UGT1A6: variants seen among roughly 807,000 people sequenced by gnomAD.
UGT1A6 encodes UDP-glucuronosyltransferase 1A6.
Under a neutral mutation model 44.4 loss-of-function variants are expected in UGT1A6, and 32 were observed. The ratio of observed to expected loss-of-function variants is 0.72; its 90% CI spans 0.54 to 0.97. UGT1A6 has a LOEUF of 0.97. Among genes scored for constraint, UGT1A6 ranks in the 50% least tolerant of loss-of-function variants. The pLI, the probability that UGT1A6 is intolerant of heterozygous loss-of-function variation, is 0.00. For synonymous variants in UGT1A6, 238 were observed against 248.5 expected, an observed-to-expected ratio of 0.96 and a Z score of 0.40; for missense variants, 685 against 661.9, an observed-to-expected ratio of 1.03 and a Z score of -0.38.
intron 1 of UGT1A6, among the ~76,000 whole-genome samples, chr2:233,736,536 T>C (rs1265861368): frequency 6.6e-6 from 1 of 152,240 alleles, no homozygotes; most frequent in African/African-American, 2.4e-5. Flanking sequence ...TCATTCTCTT[T>C]CCAGCTTTGC....
chr2:233,724,327 A>G (rs1359142433), intron 1 of UGT1A6, among the ~76,000 whole-genome samples: 358 of 72,230 alleles, frequency 5.0e-3, no homozygotes, highest in African/African-American at 8.2e-3. Flanking sequence ...GCGGCTGGCC[A>G]GGCGGGGGGC....
At position 233,693,859 on chromosome 2, in the gene UGT1A6, G is replaced by A; in HGVS notation, c.855G>A (p.Leu285=). The A allele has an allele frequency of 6.2e-7, 1 of 1,614,192 alleles. No individual in the cohort carries two copies. Among genetic ancestry groups the A allele is most frequent in the Non-Finnish European group, 8.5e-7 (1 of 1,180,034 alleles). The change falls in exon 1 of 5, where the codon TTG becomes TTA. Residue 285 remains leucine, a synonymous_variant. Coordinates refer to ENST00000305139, the MANE Select transcript of UGT1A6 (RefSeq NM_001072.4). ...GGINCKKRKD[L]SQEFEAYINA... ...TCAACTGTAAGAAGAGGAAAGACTT[G>A]TCTCAGGTTGGTGGGTTTATTTCTT...
Position 233,769,622 on chromosome 2 carries a change from G to A in UGT1A6, c.1301+1183G>A, listed in dbSNP as rs926017310. 24 of 1,612,268 alleles carry A rather than the reference G, an allele frequency of 1.5e-5. No homozygotes were observed. Among genetic ancestry groups the A allele is most frequent in the Non-Finnish European group, 1.8e-5 (21 of 1,179,686 alleles). ...CACGGGGACACACCAGCTTGAGCAAGGGACAACAGGGGAGGACTGATGACT... is the reference window on the plus strand; with the variant it reads ...CACGGGGACACACCAGCTTGAGCAAAGGACAACAGGGGAGGACTGATGACT... On this transcript the variant is annotated intron_variant, in intron 4 of 4. Transcript: ENST00000305139. The surrounding 1 kb of genome is among the most constrained non-coding windows in gnomAD (Gnocchi z 4.4).
chr2:233,722,935 G>A (rs1228293492), intron 1 of UGT1A6, among the ~76,000 whole-genome samples: 1 of 129,296 alleles, frequency 7.7e-6, no homozygotes, highest in Non-Finnish European at 1.6e-5. Flanking sequence ...TTGTCTCCAT[G>A]CTGAGTGGGC....
chr2:233,755,188 G>A (rs1436949079), intron 1 of UGT1A6: 2 of 1,163,192 alleles, frequency 1.7e-6, no homozygotes, highest in Admixed American at 1.9e-5. Flanking sequence ...TGCCACTTGA[G>A]CGCCAGCTTG....
chr2:233,723,542 A>ATTTTTTTTTTTTTT (rs2077098328), intron 1 of UGT1A6, among the ~76,000 whole-genome samples: 1 of 74,520 alleles, frequency 1.3e-5, no homozygotes. Flanking sequence ...TTTTTAATTT[A>ATTTTTTTTTTTTTT]TTTTTTTATT....
chr2:233,768,138 G>A, intron 3 of UGT1A6, 82 bp from the exon 4 acceptor site: 1 of 1,609,178 alleles, frequency 6.2e-7, no homozygotes, highest in Non-Finnish European at 8.5e-7. Context: ...CTGAGTCTTT[G>A]GAGTGTTTTC....
At chr2:233,730,438 G>A (rs1247930586) in intron 1 of UGT1A6, among the ~76,000 whole-genome samples, 7 of 152,192 alleles carry the variant, frequency 4.6e-5, no homozygotes, top group African/African-American at 7.2e-5. Context: ...GTCCCATCTT[G>A]CAAATGATAG....
chr2:233,728,563 T>C (rs1454044996), intron 1 of UGT1A6, among the ~76,000 whole-genome samples: 1 of 152,134 alleles, frequency 6.6e-6, no homozygotes, highest in African/African-American at 2.4e-5. Flanking sequence ...TTACAAGAAA[T>C]ATCCTGGTGC....
chr2:233,717,734 G>A lies in UGT1A6; in HGVS notation c.861+23869G>A, dbSNP rs563372947. The stretch of plus-strand genomic sequence containing the variant: ...CCTCATGGGCATGAGACCATTGTGA[G>A]TGCTCAGGGTCTCCCCCTAGAAAGG... On this transcript the variant is annotated intron_variant, in intron 1 of 4. Transcript: ENST00000305139. 8.8e-6 allele frequency: 4 copies of A among 456,274 alleles called. No homozygotes were observed. The East Asian group carries it at 2.1e-4, about 24-fold the overall frequency. 28.3% of individuals were successfully genotyped at this position (456,274 alleles called of 1,614,324 possible). A position where few individuals can be genotyped will look rare whatever the true frequency, so the allele number is the denominator to read the frequency against.
At chr2:233,706,203 G>A (rs543652035) in intron 1 of UGT1A6, among the ~76,000 whole-genome samples, 11 of 152,352 alleles carry the variant, frequency 7.2e-5, no homozygotes, top group African/African-American at 2.6e-4. Flanking sequence ...CCTCCACAAA[G>A]CTGGCCCAGG....
intron 1 of UGT1A6, among the ~76,000 whole-genome samples, chr2:233,716,508 C>T (rs1254652307): frequency 6.6e-6 from 1 of 152,162 alleles, no homozygotes; most frequent in African/African-American, 2.4e-5. Context: ...GGCTTCAGAG[C>T]TCTCAGCTTA....
At chr2:233,692,282 T>G (rs1389646454), upstream of UGT1A6, 1 of 152,456 alleles carries the variant, frequency 6.6e-6, no homozygotes, top group Non-Finnish European at 1.5e-5. Flanking sequence ...CCTCTGGCTA[T>G]TCATCCGTAT....
At position 233,695,130 on chromosome 2, in the gene UGT1A6, C is replaced by CTTTCTTT. The variant is rs1364557158; in HGVS notation, c.861+1268_861+1269insCTTTTTT. ...GCCCATTAACCAACCCTTTTCTTTT[C>CTTTCTTT]TTTTTTTTTTTTTTGAGACAGAGTC... On this transcript the variant is annotated intron_variant, in intron 1 of 4. Transcript: ENST00000305139. Among the ~76,000 whole-genome samples the CTTTCTTT allele has an allele frequency of 8.6e-5, 12 of 138,836 alleles. 2 individuals are homozygous for CTTTCTTT. Among genetic ancestry groups the CTTTCTTT allele is most frequent in the Admixed American group, 1.4e-4 (2 of 14,118 alleles). 91.1% of individuals were successfully genotyped at this position (138,836 alleles called of 152,430 possible).
At chr2:233,697,760 A>G (rs1285792706) in intron 1 of UGT1A6, among the ~76,000 whole-genome samples, 1 of 152,082 alleles carries the variant, frequency 6.6e-6, no homozygotes, top group Admixed American at 6.5e-5. Flanking sequence ...ATAGATTTTG[A>G]TACATTGTGT....
chr2:233,719,027 C>CA (rs779192742), intron 1 of UGT1A6: 8 of 1,614,110 alleles, frequency 5.0e-6, no homozygotes, highest in African/African-American at 1.3e-5. Flanking sequence ...ATATGCACAT[C>CA]AAAGAAGAGA....
In UGT1A6 at chr2:233,772,515, A is replaced by G. The variant is rs553499095; in HGVS notation, c.1555A>G (p.Lys519Glu). The change falls in exon 5 of 5, where the codon AAA becomes GAA. Residue 519 changes from lysine to glutamate, a missense_variant. Transcript: ENST00000305139. ...CAYGYRKCLGKKGRVKKAHKS... is the reference protein window; with the variant it reads ...CAYGYRKCLGEKGRVKKAHKS... ...TTATGGCTACCGGAAATGCTTGGGG[A>G]AAAAAGGGCGAGTTAAGAAAGCCCA... is the stretch of plus-strand genomic sequence containing the variant. 82 of 1,614,158 alleles carry G rather than the reference A, an allele frequency of 5.1e-5. No individual in the cohort carries two copies. Among genetic ancestry groups the G allele is most frequent in the Non-Finnish European group, 6.4e-5 (75 of 1,180,028 alleles).
At chr2:233,706,910 C>G (rs1427558668) in intron 1 of UGT1A6, among the ~76,000 whole-genome samples, 1 of 152,188 alleles carries the variant, frequency 6.6e-6, no homozygotes. Flanking sequence ...ACAATCCTAG[C>G]TGCCAGAGTA....
intron 1 of UGT1A6, among the ~76,000 whole-genome samples, chr2:233,757,551 T>TATATATATATATATATACATATAC (rs1696621999): frequency 1.3e-5 from 1 of 78,674 alleles, no homozygotes; most frequent in Non-Finnish European, 2.5e-5. Flanking sequence ...TATATATATA[T>TATATATATATATATATACATATAC]ATATATATAT....
Sources: allele counts gnomAD v4.1 joint callset (sites outside exome capture counted in the v4.1 genomes callset), GRCh38; gene constraint gnomAD v4.1.1; non-coding constraint Gnocchi (gnomAD v3.1); transcripts MANE v1.5; gene names NCBI Gene and HGNC (gene_info 2026-07-23, HGNC 2026-07-21).